CCSER1: variants seen among roughly 807,000 people sequenced by gnomAD.
CCSER1 encodes serine-rich coiled-coil domain-containing protein 1.
A neutral mutation model predicts 82.0 loss-of-function variants in CCSER1; 41 were observed. The ratio of observed to expected loss-of-function variants is 0.50; its 90% confidence interval spans 0.39 to 0.65. The LOEUF (loss-of-function observed/expected upper bound fraction) is 0.65. Ranked by LOEUF, CCSER1 falls within the 30% of genes least tolerant of loss-of-function variation. The pLI, the probability that CCSER1 is intolerant of heterozygous loss-of-function variation, is 0.00. For synonymous variants in CCSER1, 414 were observed against 383.9 expected, an observed-to-expected ratio of 1.08 and a Z score of -0.92; for missense variants, 1,119 against 1,064.2, an observed-to-expected ratio of 1.05 and a Z score of -0.72.
intron 1 of CCSER1, among the ~76,000 whole-genome samples, chr4:90,226,398 G>T (rs769389042): frequency 1.1e-4 from 17 of 152,082 alleles, no homozygotes; most frequent in Non-Finnish European, 2.5e-4. Context: ...ACCTATGCCC[G>T]TCCCAAGATA....
At chr4:90,788,601 T>A (rs971649729) in intron 7 of CCSER1, among the ~76,000 whole-genome samples, 1 of 152,190 alleles carries the variant, frequency 6.6e-6, no homozygotes, top group Non-Finnish European at 1.5e-5. Context: ...AAACTAGTCA[T>A]TGTAAAAAGG....
chr4:91,493,017 A>G (rs976491296), intron 10 of CCSER1, among the ~76,000 whole-genome samples: 1 of 152,018 alleles, frequency 6.6e-6, no homozygotes, highest in South Asian at 2.1e-4. Context: ...AAGCAAACTC[A>G]TAATGATAGG....
chr4:90,452,620 T>G (rs1324504675), intron 4 of CCSER1, among the ~76,000 whole-genome samples: 1 of 152,190 alleles, frequency 6.6e-6, no homozygotes, highest in Non-Finnish European at 1.5e-5. Context: ...ATTGCCTTCC[T>G]TTCTGAGACA....
chr4:90,331,109 A>G (rs541315196), intron 3 of CCSER1, among the ~76,000 whole-genome samples: 12 of 152,156 alleles, frequency 7.9e-5, no homozygotes, highest in African/African-American at 2.6e-4. Context: ...TACTTTTACC[A>G]TAAGATAGGA....
intron 1 of CCSER1, among the ~76,000 whole-genome samples, chr4:90,139,945 G>T (rs948376819): frequency 1.3e-5 from 2 of 152,016 alleles, no homozygotes; most frequent in East Asian, 3.9e-4. Context: ...GGGCGACAGA[G>T]TGAGACTCCA....
intron 10 of CCSER1, among the ~76,000 whole-genome samples, chr4:91,287,995 T>C (rs1425700295): frequency 6.7e-6 from 1 of 149,906 alleles, no homozygotes; most frequent in Non-Finnish European, 1.5e-5. Context: ...AGAAAAAAAA[T>C]AAATGACATT....
At chr4:91,218,265 G>A (rs1205336804) in intron 10 of CCSER1, among the ~76,000 whole-genome samples, 1 of 152,274 alleles carries the variant, frequency 6.6e-6, no homozygotes, top group East Asian at 1.9e-4. Flanking sequence ...TGCTCCGAGA[G>A]CGGGGCCCAC....
chr4:90,933,049 GGAAGGAAC>G (rs1385115559), intron 9 of CCSER1, among the ~76,000 whole-genome samples: 1 of 97,358 alleles, frequency 1.0e-5, no homozygotes. Flanking sequence ...AGAAAGAGAA[GGAAGGAAC>G]GAAGGAAAGA....
chr4:90,662,707 A>G (rs1015201660), intron 6 of CCSER1, among the ~76,000 whole-genome samples: 1 of 152,168 alleles, frequency 6.6e-6, no homozygotes, highest in Non-Finnish European at 1.5e-5. Context: ...ATTATAAATA[A>G]TTAAAACCTA....
intron 10 of CCSER1, among the ~76,000 whole-genome samples, chr4:91,176,802 A>C (rs1434489209): frequency 6.6e-6 from 1 of 152,072 alleles, no homozygotes; most frequent in Non-Finnish European, 1.5e-5. Context: ...CTAATTGAAT[A>C]CCCTTTATTT....
intron 1 of CCSER1, among the ~76,000 whole-genome samples, chr4:90,223,324 A>C (rs1471928071): frequency 6.6e-6 from 1 of 152,160 alleles, no homozygotes; most frequent in Non-Finnish European, 1.5e-5. Flanking sequence ...TATTGATTTT[A>C]CTGTTATAGA....
chr4:91,253,215 G>A (rs1332950110), intron 10 of CCSER1, among the ~76,000 whole-genome samples: 1 of 152,124 alleles, frequency 6.6e-6, no homozygotes, highest in Non-Finnish European at 1.5e-5. Flanking sequence ...ATGATCTACT[G>A]CCACTCAAAG....
chr4:90,297,116 T>C (rs571537515), intron 1 of CCSER1, among the ~76,000 whole-genome samples: 1 of 152,190 alleles, frequency 6.6e-6, no homozygotes, highest in South Asian at 2.1e-4. Context: ...TGATTCTTCC[T>C]ACCCATGAGC....
At chr4:91,198,161 A>G (rs1735603112) in intron 10 of CCSER1, among the ~76,000 whole-genome samples, 1 of 152,100 alleles carries the variant, frequency 6.6e-6, no homozygotes, top group South Asian at 2.1e-4. Context: ...TACTTTATAC[A>G]TTATTTCATT....
chr4:90,766,440 ATT>A (rs1273924627), intron 7 of CCSER1, among the ~76,000 whole-genome samples: 2 of 152,160 alleles, frequency 1.3e-5, no homozygotes, highest in African/African-American at 4.8e-5. Context: ...AATCTATTTC[ATT>A]TTAATATATT....
intron 10 of CCSER1, among the ~76,000 whole-genome samples, chr4:91,385,425 A>G (rs567448987): frequency 1.4e-4 from 21 of 152,158 alleles, no homozygotes; most frequent in Middle Eastern, 3.4e-3. Flanking sequence ...GCTGGTACAC[A>G]TAGATGCAGC....
chr4:90,686,075 T>A (rs902677628), intron 6 of CCSER1, among the ~76,000 whole-genome samples: 1 of 152,164 alleles, frequency 6.6e-6, no homozygotes, highest in African/African-American at 2.4e-5. Context: ...ACCTTGATAT[T>A]GTAGTTCCCT....
At chr4:90,967,439 A>G (rs1734678266) in intron 9 of CCSER1, among the ~76,000 whole-genome samples, 1 of 151,696 alleles carries the variant, frequency 6.6e-6, no homozygotes, top group Admixed American at 6.6e-5. Flanking sequence ...ACAGAGCAAG[A>G]CTTTGTCTCA....
Position 91,153,762 on chromosome 4 carries a change from T to C in CCSER1, c.2217+67768T>C, listed in dbSNP as rs1193972244. On this transcript the variant is annotated intron_variant, in intron 10 of 10. Coordinates refer to ENST00000509176, the MANE Select transcript of CCSER1 (RefSeq NM_001145065.2). Reference sequence around the variant, plus strand: ...CGTCAGCTGCAGGTCTGTTGGAGTTTGCTGGAGGTCCACTCCAGACCCTGT... The same window carrying C: ...CGTCAGCTGCAGGTCTGTTGGAGTTCGCTGGAGGTCCACTCCAGACCCTGT... 2.6e-5 allele frequency among the ~76,000 whole-genome samples: 4 copies of C among 152,014 alleles called. No individual in the cohort carries two copies. In the East Asian group the frequency reaches 7.7e-4, roughly 29 times the overall value.
Sources: gnomAD v4.1 joint callset for allele counts (sites outside exome capture counted in the v4.1 genomes callset) on GRCh38, gnomAD v4.1.1 for gene constraint, MANE v1.5 for transcripts, NCBI Gene and HGNC (gene_info 2026-07-23, HGNC 2026-07-21) for gene names.